CTSC: variants seen among roughly 807,000 people sequenced by gnomAD.
CTSC encodes the protein dipeptidyl peptidase 1.
CTSC carries 37 observed loss-of-function variants against 40.9 expected under a neutral mutation model. That is an observed-to-expected ratio of 0.91 (90% CI 0.70 to 1.19). The LOEUF is 1.19. Ranked by LOEUF, CTSC falls within the 50% of genes most tolerant of loss-of-function variation. The probability of loss-of-function intolerance (pLI) is 0.00; values close to 1 mark genes in which losing one functional copy is unlikely to be tolerated. For synonymous variants in CTSC, 232 were observed against 207.4 expected, an observed-to-expected ratio of 1.12 and a Z score of -1.02; for missense variants, 594 against 567.3, an observed-to-expected ratio of 1.05 and a Z score of -0.48.
rs534065533 is a variant in CTSC at position 88,308,496 on chromosome 11, T to C, written c.641+667A>G. Among the ~76,000 whole-genome samples, 30 of 144,414 alleles carry C rather than the reference T, an allele frequency of 2.1e-4. 1 individual carries two copies. In the South Asian group the frequency reaches 6.6e-3, roughly 32 times the overall value. The allele number at this position is 144,414 out of a possible 152,430, so 94.7% of individuals were successfully genotyped here. ...TATTATTTTATTTTATTTTATTTTA[T>C]CTTACCTTATCTTATTTTATTTTAT... On this transcript the variant is annotated intron_variant, in intron 4 of 6. Transcript: ENST00000227266.
intron 2 of CTSC, among the ~76,000 whole-genome samples, chr11:88,315,451 A>C (rs1305222974): frequency 6.6e-6 from 1 of 152,232 alleles, no homozygotes; most frequent in Non-Finnish European, 1.5e-5. Context: ...GTATATGATA[A>C]ACCTGAGTTC....
intron 2 of CTSC, chr11:88,328,078 AT>A: frequency 1.4e-6 from 2 of 1,453,918 alleles, no homozygotes; most frequent in Non-Finnish European, 1.9e-6. Context: ...CTTGCTTTTA[AT>A]AAGAAAGTTA....
At chr11:88,323,556 A>C (rs1938089128) in intron 2 of CTSC, 1 of 152,204 alleles carries the variant, frequency 6.6e-6, no homozygotes, top group Non-Finnish European at 1.5e-5. Flanking sequence ...TAAGCTGATA[A>C]GCAACTTCGG....
rs1279788111 is a variant in CTSC, at chr11:88,324,825, TC to T, written c.318+10111del. On this transcript the variant is annotated intron_variant, in intron 2 of 6. Coordinates refer to ENST00000227266, the MANE Select transcript of CTSC (RefSeq NM_001814.6). ...CCTGAGTGATAAAGAATTTATCAGG[TC>T]CAGAGGTGAGATAGATAAAAGTTTC... 4.1e-6 allele frequency: 4 copies of T among 985,206 alleles called. No individual in the cohort carries two copies. The Admixed American group carries it at 2.5e-4, about 61-fold the overall frequency. The allele number at this position is 985,206 out of a possible 1,614,324, so 61.0% of individuals were successfully genotyped here. A position where few individuals can be genotyped will look rare whatever the true frequency, so the allele number is the denominator to read the frequency against.
chr11:88,322,469 C>T (rs1591236688), intron 2 of CTSC: 1 of 152,096 alleles, frequency 6.6e-6, no homozygotes, highest in Non-Finnish European at 1.5e-5. Context: ...ATATGGCTAG[C>T]CAGATATACA....
intron 3 of CTSC, 65 bp downstream of exon 3, chr11:88,312,323 G>A (rs1937780746): frequency 1.3e-6 from 2 of 1,507,560 alleles, no homozygotes; most frequent in Non-Finnish European, 1.8e-6. Context: ...TTCCAAAAAT[G>A]TACACACATA....
At chr11:88,321,080 T>C in intron 2 of CTSC, 6 of 973,368 alleles carry the variant, frequency 6.2e-6, no homozygotes, top group Non-Finnish European at 7.3e-6. Flanking sequence ...GATGCAAAAT[T>C]ACTCAGATAA....
Position 88,306,290 on chromosome 11 carries a change from T to C in CTSC, c.641+2873A>G, listed in dbSNP as rs1341180767. On this transcript the variant is annotated intron_variant, in intron 4 of 6. Coordinates refer to ENST00000227266, the MANE Select transcript of CTSC (RefSeq NM_001814.6). ...GATGAAAAAGTTAGTAATGTTGATATGGACAGGAGACAGGGAAATACTGGG... is the reference window on the plus strand; with the variant it reads ...GATGAAAAAGTTAGTAATGTTGATACGGACAGGAGACAGGGAAATACTGGG... Among the ~76,000 whole-genome samples the C allele has an allele frequency of 8.5e-5, 13 of 152,124 alleles. No homozygotes were observed. The East Asian group carries it at 2.5e-3, about 29-fold the overall frequency.
intron 4 of CTSC, among the ~76,000 whole-genome samples, chr11:88,306,922 C>T (rs1937645568): frequency 6.6e-6 from 1 of 152,130 alleles, no homozygotes; most frequent in African/African-American, 2.4e-5. Flanking sequence ...GCTGTGGGGC[C>T]AGAGCCCAAA....
In CTSC at chr11:88,312,469, G is replaced by T; in HGVS notation, c.404C>A (p.Ala135Asp). ...TCCCACCTTCTTTCCGGTGAAACAA[G>T]CCCAGTTCCGGCCCAACACATCATG... ...WVHDVLGRNW[A>D]CFTGKKVGTA... Residue 135 changes from alanine to aspartate, a missense_variant, in exon 3 of 7, where the codon GCT becomes GAT. Transcript: ENST00000227266. The T allele has an allele frequency of 6.2e-7, 1 of 1,614,152 alleles. No individual in the cohort carries two copies. The highest frequency in any genetic ancestry group is 8.5e-7 in the Non-Finnish European group (1 of 1,180,016).
chr11:88,298,365 C>T (rs1944320715), intron 5 of CTSC: 1 of 152,174 alleles, frequency 6.6e-6, no homozygotes, highest in Non-Finnish European at 1.5e-5. Flanking sequence ...ATTAATAAAT[C>T]TAGGTATAAG....
At chr11:88,332,639 A>G (rs1432408211) in intron 2 of CTSC, among the ~76,000 whole-genome samples, 2 of 152,192 alleles carry the variant, frequency 1.3e-5, no homozygotes, top group Non-Finnish European at 2.9e-5. Flanking sequence ...GAAGTATCCT[A>G]TTATATTCTA....
rs775133904 is a variant in CTSC at position 88,337,600 on chromosome 11, C to A, written c.73G>T (p.Asp25Tyr). The A allele has an allele frequency of 1.3e-6, 2 of 1,579,540 alleles. No homozygotes were observed. Among genetic ancestry groups the A allele is most frequent in the Non-Finnish European group, 1.7e-6 (2 of 1,162,148 alleles). Residue 25 changes from aspartate to tyrosine, a missense_variant, in exon 1 of 7, where the codon GAC becomes TAC. Transcript: ENST00000227266. ...LLSGDGAVRC[D>Y]TPANCTYLDL... ...AGATAGGTGCAGTTGGCAGGTGTGT[C>A]GCAGCGCACGGCGCCGTCGCCGGAG...
chr11:88,300,503 AC>A, intron 5 of CTSC, 26 bp downstream of exon 5: 1 of 1,388,190 alleles, frequency 7.2e-7, no homozygotes, highest in South Asian at 1.2e-5. Flanking sequence ...AAACAAATTA[AC>A]AAAAAACTTA....
chr11:88,326,108 T>C, intron 2 of CTSC: 1 of 1,286,658 alleles, frequency 7.8e-7, no homozygotes. Context: ...TTCCTTTTAT[T>C]AAAAAACTGA....
At chr11:88,330,679 C>T (rs1938327261) in intron 2 of CTSC, among the ~76,000 whole-genome samples, 1 of 152,058 alleles carries the variant, frequency 6.6e-6, no homozygotes, top group African/African-American at 2.4e-5. Context: ...TACCTAGTAC[C>T]TCCTGCTCAA....
Position 88,311,860 on chromosome 11 carries a change from T to TGAC in CTSC, c.485+525_485+527dup. ...GTGTGGCCTTGGAAGAAACCAAACCTGACAACACCTCAATCTTGGACTTCT... is the reference window on the plus strand; with the variant it reads ...GTGTGGCCTTGGAAGAAACCAAACCTGACGACAACACCTCAATCTTGGACTTCT... On this transcript the variant is annotated intron_variant, in intron 3 of 6. Coordinates refer to ENST00000227266, the MANE Select transcript of CTSC (RefSeq NM_001814.6). Among the ~76,000 whole-genome samples the TGAC allele has an allele frequency of 2.6e-5, 4 of 152,274 alleles. 1 individual carries two copies. Among genetic ancestry groups the TGAC allele is most frequent in the Admixed American group, 2.6e-4 (4 of 15,300 alleles).
At position 88,309,178 on chromosome 11, in the gene CTSC, C is replaced by A. The variant is rs1937695915; in HGVS notation, c.626G>T (p.Ser209Ile). 6.2e-7 allele frequency: 1 copy of A among 1,613,844 alleles called. No homozygotes were observed. The highest frequency in any genetic ancestry group is 1.7e-5 in the Admixed American group (1 of 59,986). The change falls in exon 4 of 7, where the codon AGT becomes ATT. Residue 209 changes from serine (S) to isoleucine (I), a missense_variant. By Grantham distance (142) the Ser-to-Ile change is moderately radical. Transcript: ENST00000227266. Reference protein sequence around the residue: ...GDMIRRSGGHSRKIPRPKPAP... With the variant: ...GDMIRRSGGHIRKIPRPKPAP... ...GCTTGATTACCTTGGGATTTTTCGA[C>A]TGTGGCCACCACTTCTCCTAATCAT...
intron 6 of CTSC, 86 bp downstream of exon 6, chr11:88,296,047 C>T (rs1944294974): frequency 7.1e-7 from 1 of 1,406,908 alleles, no homozygotes; most frequent in Non-Finnish European, 1.0e-6. Context: ...GCTCTCTCTA[C>T]TGCATCATCC....
Sources: allele counts gnomAD v4.1 joint callset (sites outside exome capture counted in the v4.1 genomes callset), GRCh38; gene constraint gnomAD v4.1.1; transcripts MANE v1.5; gene names NCBI Gene and HGNC (gene_info 2026-07-23, HGNC 2026-07-21).